SENP3: variants seen among roughly 807,000 people sequenced by gnomAD.
SENP3 encodes the protein SUMO specific peptidase 3.
SENP3 carries 11 observed loss-of-function variants against 66.2 expected under a neutral mutation model. The observed-to-expected ratio is 0.17, with a 90% confidence interval of 0.10 to 0.28. SENP3 has a LOEUF of 0.28. Among genes scored for constraint, SENP3 ranks in the 10% least tolerant of loss-of-function variants. SENP3 has a pLI of 1.00. For missense variants in SENP3, 548 were observed against 743.7 expected, an observed-to-expected ratio of 0.74 and a Z score of 3.06; for synonymous variants, 292 against 277.6, an observed-to-expected ratio of 1.05 and a Z score of -0.52.
At chr17:7,567,864 C>T (rs1208967421) in intron 7 of SENP3, among the ~76,000 whole-genome samples, 2 of 152,102 alleles carry the variant, frequency 1.3e-5, no homozygotes, top group African/African-American at 2.4e-5. Context: ...TGAGAAGTGC[C>T]TTCTGTTTTA....
rs2071327168 is a variant in SENP3, at chr17:7,571,900, T to TAA, written c.*418_*419insAA. 1 of 14,954 alleles carries TAA rather than the reference T, an allele frequency of 6.7e-5. No homozygotes were observed. Among genetic ancestry groups the TAA allele is most frequent in the East Asian group, 1.7e-3 (1 of 580 alleles). 0.9% of individuals were successfully genotyped at this position (14,954 alleles called of 1,614,324 possible). ...ATATATATATATATATATATATATATATATATATAAAAATATATAAATGCC... is the reference window on the plus strand; with the variant it reads ...ATATATATATATATATATATATATATAAATATATATAAAAATATATAAATGCC... On this transcript the variant is annotated 3_prime_UTR_variant, in exon 11 of 11. Transcript: ENST00000321337.
Position 7,570,221 on chromosome 17 carries a change from C to T in SENP3, c.1342-135C>T, listed in dbSNP as rs933861782. 1.4e-5 allele frequency: 15 copies of T among 1,098,908 alleles called. No homozygotes were observed. The Admixed American group carries it at 2.9e-4, about 21-fold the overall frequency. 68.1% of individuals were successfully genotyped at this position (1,098,908 alleles called of 1,614,324 possible). On this transcript the variant is annotated intron_variant, in intron 7 of 10. Coordinates refer to ENST00000321337, the MANE Select transcript of SENP3 (RefSeq NM_015670.6). This position sits in a 1 kb window ranked among gnomAD's most constrained non-coding sequence, Gnocchi z 5.4. The stretch of plus-strand genomic sequence containing the variant: ...CCGAAACATGCAGATCCTGAGCTTG[C>T]CCACAATCTAGGCCTTGGGTCTTCT...
chr17:7,571,332 G>T, intron 10 of SENP3, 41 bp from the exon 11 acceptor site: 3 of 1,431,674 alleles, frequency 2.1e-6, no homozygotes, highest in South Asian at 1.1e-5. Context: ...CACAGGTCCT[G>T]ACACGGGGGG....
chr17:7,563,821 G>C, intron 2 of SENP3, 30 bp downstream of exon 2: 1 of 1,458,282 alleles, frequency 6.9e-7, no homozygotes, highest in Non-Finnish European at 9.4e-7. Context: ...TGGGGTTGCG[G>C]GGGAGGGGTT....
chr17:7,563,553 G>C lies in SENP3; in HGVS notation c.477G>C (p.Arg159=). 6.5e-7 allele frequency: 1 copy of C among 1,550,128 alleles called. No homozygotes were observed. Among genetic ancestry groups the C allele is most frequent in the Non-Finnish European group, 8.7e-7 (1 of 1,147,330 alleles). ...KLWGRHRGRR[R]GLAHPKNHLS... is the part of the protein sequence containing the mutation. ...GGGGGCGCCACCGGGGCCGGCGGCGGGGCCTCGCACACCCCAAGAACCATC... is the reference window on the plus strand; with the variant it reads ...GGGGGCGCCACCGGGGCCGGCGGCGCGGCCTCGCACACCCCAAGAACCATC... Residue 159 remains arginine (R), a synonymous_variant, in exon 2 of 11, where the codon CGG becomes CGC. Coordinates refer to ENST00000321337, the MANE Select transcript of SENP3 (RefSeq NM_015670.6).
Position 7,564,942 on chromosome 17 carries a change from C to G in SENP3, c.956-17C>G, listed in dbSNP as rs771048564. On this transcript the variant is annotated splice_polypyrimidine_tract_variant and intron_variant, in intron 3 of 10. Coordinates refer to ENST00000321337, the MANE Select transcript of SENP3 (RefSeq NM_015670.6). ...GAGTCTGGAGGCCTCACCCCCTCCT[C>G]TCTCCCTTTCCACCAGGCATCTTGG... 1.9e-6 allele frequency: 3 copies of G among 1,611,850 alleles called. No individual in the cohort carries two copies. The South Asian group carries it at 3.3e-5, about 18-fold the overall frequency.
intron 6 of SENP3, 92 bp downstream of exon 6, chr17:7,565,856 A>T (rs991663420): frequency 4.0e-5 from 45 of 1,119,536 alleles, no homozygotes; most frequent in Non-Finnish European, 5.7e-5. Context: ...TTTTACACAG[A>T]GAGGGTCTCT....
chr17:7,566,644 C>T (rs1349688739), intron 6 of SENP3, among the ~76,000 whole-genome samples: 3 of 145,312 alleles, frequency 2.1e-5, no homozygotes, highest in South Asian at 2.2e-4. Flanking sequence ...CCAGCGTGGG[C>T]GACAGAGCAA....
rs1408824009 is a variant in SENP3 at position 7,562,575 on chromosome 17, G to A, written c.-12+312G>A. ...CTCTGCCCCCTGAACCATATCCCTG[G>A]CATCTGCACTTGAGATGACCGCAGC... On this transcript the variant is annotated intron_variant, in intron 1 of 10. Transcript: ENST00000321337. The surrounding 1 kb of genome is among the most constrained non-coding windows in gnomAD (Gnocchi z 5.0). Among the ~76,000 whole-genome samples, 1 of 152,198 alleles carries A rather than the reference G, an allele frequency of 6.6e-6. No individual in the cohort carries two copies. The highest frequency in any genetic ancestry group is 1.9e-4 in the East Asian group (1 of 5,198).
intron 2 of SENP3, chr17:7,564,309 A>G (rs2071250070): frequency 2.1e-6 from 1 of 470,898 alleles, no homozygotes; most frequent in Non-Finnish European, 3.9e-6. Flanking sequence ...CCTTTACAAT[A>G]TGCTGGGTAC....
chr17:7,568,704 C>T (rs1027689037), intron 7 of SENP3, among the ~76,000 whole-genome samples: 3 of 152,118 alleles, frequency 2.0e-5, no homozygotes, highest in Non-Finnish European at 4.4e-5. Flanking sequence ...CCCTGTGCAT[C>T]TTTTCATCTG....
intron 4 of SENP3, 101 bp from the exon 5 acceptor site, chr17:7,565,339 A>G: frequency 7.0e-7 from 1 of 1,436,294 alleles, no homozygotes; most frequent in Non-Finnish European, 9.5e-7. Context: ...TGAGCCAGAA[A>G]AAAGGGAGTC....
At chr17:7,564,446 A>T in intron 2 of SENP3, 179 bp from the exon 3 acceptor site, 1 of 821,456 alleles carries the variant, frequency 1.2e-6, no homozygotes, top group Non-Finnish European at 2.0e-6. Context: ...AATCTCTTGG[A>T]CATGTTTATC....
At chr17:7,564,461 G>A in intron 2 of SENP3, 164 bp from the exon 3 acceptor site, 1 of 953,070 alleles carries the variant, frequency 1.0e-6, no homozygotes. Flanking sequence ...TTTATCTCAT[G>A]CTTATGGGGT....
chr17:7,563,824 GA>G, intron 2 of SENP3, 33 bp downstream of exon 2: 2 of 1,231,610 alleles, frequency 1.6e-6, no homozygotes, highest in Non-Finnish European at 2.3e-6. Flanking sequence ...GGTTGCGGGG[GA>G]GGGGTTAGGG....
In SENP3 at chr17:7,570,471, C is replaced by T. The variant is rs1282644987; in HGVS notation, c.1457C>T (p.Thr486Ile). Residue 486 changes from threonine (T) to isoleucine (I), a missense_variant, in exon 8 of 11, where the codon ACC becomes ATC. Thr to Ile is a moderately conservative substitution (Grantham distance 89, BLOSUM62 -1). Coordinates refer to ENST00000321337, the MANE Select transcript of SENP3 (RefSeq NM_015670.6). This position sits in a 1 kb window ranked among gnomAD's most constrained non-coding sequence, Gnocchi z 5.4. ...ATCACCTATTTTGACTCGCAGCGTA[C>T]CCTAAACCGCCGCTGCCCTAAGGTT... ...RTITYFDSQR[T>I]LNRRCPKHIA... 3.1e-6 allele frequency: 5 copies of T among 1,612,254 alleles called. No individual in the cohort carries two copies. The African/African-American group carries it at 6.7e-5, about 22-fold the overall frequency.
Position 7,564,756 on chromosome 17 carries a change from G to C in SENP3, c.847G>C (p.Glu283Gln). ...VCSIGDHVAQELFQGSDLGMA... is the reference protein window; with the variant it reads ...VCSIGDHVAQQLFQGSDLGMA... ...CAGCATCGGGGACCATGTGGCCCAG[G>C]AGCTTTTTCAGGGCTCAGATTTGGG... is the stretch of plus-strand genomic sequence containing the variant. Residue 283 changes from glutamate (E) to glutamine (Q), a missense_variant, in exon 3 of 11, where the codon GAG becomes CAG. Coordinates refer to ENST00000321337, the MANE Select transcript of SENP3 (RefSeq NM_015670.6). The C allele has an allele frequency of 6.2e-7, 1 of 1,614,036 alleles. No homozygotes were observed. The highest frequency in any genetic ancestry group is 8.5e-7 in the Non-Finnish European group (1 of 1,179,896).
chr17:7,571,594 G>C lies in SENP3; in HGVS notation c.*111G>C. The C allele has an allele frequency of 1.5e-6, 1 of 664,496 alleles. No homozygotes were observed. The highest frequency in any genetic ancestry group is 2.6e-6 in the Non-Finnish European group (1 of 383,404). 41.2% of individuals were successfully genotyped at this position (664,496 alleles called of 1,614,324 possible). A position where few individuals can be genotyped will look rare whatever the true frequency, so the allele number is the denominator to read the frequency against. The stretch of plus-strand genomic sequence containing the variant: ...TGCCTCTTCCCACTCACTTCCCTTT[G>C]GTTTTTCATATTTAAATGTTTCAAT... On this transcript the variant is annotated 3_prime_UTR_variant, in exon 11 of 11. Transcript: ENST00000321337.
Position 7,563,460 on chromosome 17 carries a change from A to G in SENP3, c.384A>G (p.Arg128=). 1 of 1,292,514 alleles carries G rather than the reference A, an allele frequency of 7.7e-7. No individual in the cohort carries two copies. The highest frequency in any genetic ancestry group is 1.0e-6 in the Non-Finnish European group (1 of 984,664). The allele number at this position is 1,292,514 out of a possible 1,614,324, so 80.1% of individuals were successfully genotyped here. A position where few individuals can be genotyped will look rare whatever the true frequency, so the allele number is the denominator to read the frequency against. ...AAACCTGCTCACAGCGCCGCCGCCG[A>G]GCCATGAGAGCCTTCCGGATGCTGC... ...HRKTCSQRRR[R]AMRAFRMLLY... is the part of the protein sequence containing the mutation. Residue 128 remains arginine, a synonymous_variant, in exon 2 of 11, where the codon CGA becomes CGG. Transcript: ENST00000321337.
Sources: allele counts gnomAD v4.1 joint callset (sites outside exome capture counted in the v4.1 genomes callset), GRCh38; gene constraint gnomAD v4.1.1; non-coding constraint Gnocchi (gnomAD v3.1); transcripts MANE v1.5; gene names NCBI Gene and HGNC (gene_info 2026-07-23, HGNC 2026-07-21).